The following CALCR variants were observed in gnomAD, a reference collection of about 807,000 sequenced individuals.
CALCR encodes calcitonin receptor.
In CALCR, 47 loss-of-function variants were observed where a neutral mutation model predicts 59.5. That is an observed-to-expected ratio of 0.79 (90% CI 0.63 to 1.01). The LOEUF is 1.01. CALCR is among the 50% of genes least tolerant of loss of function. CALCR has a pLI of 0.00. For synonymous variants in CALCR, 213 were observed against 211.3 expected, an observed-to-expected ratio of 1.01 and a Z score of -0.07; for missense variants, 566 against 597.1, an observed-to-expected ratio of 0.95 and a Z score of 0.54.
At chr7:93,477,530 G>C in intron 5 of CALCR, 28 bp downstream of exon 5, 3 of 1,452,138 alleles carry the variant, frequency 2.1e-6, no homozygotes, top group Non-Finnish European at 2.9e-6. Context: ...TTCATAGCAA[G>C]AACATAAAAT....
chr7:93,428,963 C>T (rs1377627801), intron 13 of CALCR, among the ~76,000 whole-genome samples: 1 of 152,174 alleles, frequency 6.6e-6, no homozygotes, highest in Non-Finnish European at 1.5e-5. Context: ...TCTTTTATTT[C>T]TCACCTGTCC....
At chr7:93,446,187 A>G (rs148166511) in intron 8 of CALCR, among the ~76,000 whole-genome samples, 89 of 152,124 alleles carry the variant, frequency 5.9e-4, no homozygotes, top group African/African-American at 2.1e-3. Context: ...TTGACGCAAG[A>G]TATTGCTTGG....
intron 2 of CALCR, among the ~76,000 whole-genome samples, chr7:93,538,272 G>T (rs559639678): frequency 6.6e-6 from 1 of 151,968 alleles, no homozygotes; most frequent in East Asian, 1.9e-4. Flanking sequence ...ATATCTTTTC[G>T]TGTGTCTGAC....
chr7:93,480,634 C>T (rs1339984889), intron 3 of CALCR, among the ~76,000 whole-genome samples: 2 of 151,792 alleles, frequency 1.3e-5, no homozygotes, highest in African/African-American at 4.8e-5. Flanking sequence ...CACTGTTTTC[C>T]ATGTGTGTCA....
At chr7:93,457,230 T>A (rs1232334998) in intron 8 of CALCR, among the ~76,000 whole-genome samples, 1 of 152,182 alleles carries the variant, frequency 6.6e-6, no homozygotes, top group African/African-American at 2.4e-5. Context: ...AGCAACCTTG[T>A]GAGCAATCAC....
At chr7:93,473,589 C>T (rs12668721) in intron 5 of CALCR, among the ~76,000 whole-genome samples, 54,351 of 120,690 alleles carry the variant, frequency 0.45, 11,347 homozygotes, top group South Asian at 0.53. Context: ...GGCCCCCCCC[C>T]CTTTTTTTTT....
At chr7:93,545,016 A>G (rs1789247765) in intron 2 of CALCR, among the ~76,000 whole-genome samples, 1 of 152,046 alleles carries the variant, frequency 6.6e-6, no homozygotes, top group African/African-American at 2.4e-5. Context: ...GGCAGAAAAC[A>G]TGCTCTATGG....
chr7:93,527,489 C>T (rs1282911614), intron 2 of CALCR, among the ~76,000 whole-genome samples: 3 of 151,954 alleles, frequency 2.0e-5, no homozygotes, highest in Non-Finnish European at 4.4e-5. Flanking sequence ...AAAAATAATT[C>T]TTGAAATTTA....
intron 7 of CALCR, among the ~76,000 whole-genome samples, chr7:93,468,469 T>C (rs902952811): frequency 2.6e-5 from 4 of 151,902 alleles, no homozygotes; most frequent in Middle Eastern, 3.4e-3. Context: ...AGGACTGTCT[T>C]ATTTTGGGAA....
At chr7:93,566,716 T>C (rs568090391) in intron 2 of CALCR, among the ~76,000 whole-genome samples, 1 of 152,270 alleles carries the variant, frequency 6.6e-6, no homozygotes, top group South Asian at 2.1e-4. Context: ...ACCATATGAT[T>C]GTCTCAGGAA....
At chr7:93,428,209 C>T (rs1169315246) in intron 13 of CALCR, among the ~76,000 whole-genome samples, 1 of 152,074 alleles carries the variant, frequency 6.6e-6, no homozygotes, top group Non-Finnish European at 1.5e-5. Context: ...TACTAAGTAC[C>T]GTATCATAAG....
chr7:93,481,752 T>C (rs938971841), intron 3 of CALCR, among the ~76,000 whole-genome samples: 1 of 151,902 alleles, frequency 6.6e-6, no homozygotes, highest in African/African-American at 2.4e-5. Context: ...AACATTTTGT[T>C]GATTTCTAAT....
At chr7:93,522,376 G>T (rs1025364146) in intron 2 of CALCR, among the ~76,000 whole-genome samples, 1 of 152,052 alleles carries the variant, frequency 6.6e-6, no homozygotes, top group Non-Finnish European at 1.5e-5. Context: ...TCTGTGGACA[G>T]GAAGTATGTC....
intron 2 of CALCR, among the ~76,000 whole-genome samples, chr7:93,564,460 TAAAAA>T (rs899378626): frequency 6.8e-6 from 1 of 146,224 alleles, no homozygotes; most frequent in African/African-American, 2.5e-5. Context: ...ACTACACTTT[TAAAAA>T]AAAAAAAATG....
At chr7:93,460,518 T>C (rs1800294231) in intron 8 of CALCR, among the ~76,000 whole-genome samples, 2 of 135,462 alleles carry the variant, frequency 1.5e-5, no homozygotes, top group Middle Eastern at 9.2e-3. Context: ...ATCCCACCAC[T>C]GCACTCCAGC....
At chr7:93,561,070 T>C (rs1001913825) in intron 2 of CALCR, among the ~76,000 whole-genome samples, 1 of 152,168 alleles carries the variant, frequency 6.6e-6, no homozygotes, top group Non-Finnish European at 1.5e-5. Flanking sequence ...AAAAGGAAAC[T>C]GAGGCTAAGA....
chr7:93,504,207 A>G (rs1178433758), intron 2 of CALCR, among the ~76,000 whole-genome samples: 1 of 152,180 alleles, frequency 6.6e-6, no homozygotes, highest in Non-Finnish European at 1.5e-5. Flanking sequence ...TTCCCATTTT[A>G]ATTCTTATTG....
chr7:93,449,614 G>A (rs941264662), intron 8 of CALCR, among the ~76,000 whole-genome samples: 1 of 151,874 alleles, frequency 6.6e-6, no homozygotes, highest in South Asian at 2.1e-4. Context: ...TGTTTATAAC[G>A]TTGTTCGATT....
chr7:93,474,175 T>A (rs956127395), intron 5 of CALCR, among the ~76,000 whole-genome samples: 1 of 151,698 alleles, frequency 6.6e-6, no homozygotes, highest in South Asian at 2.1e-4. Flanking sequence ...AGATTCTGGG[T>A]AAAGTGCATG....
Sources: allele counts gnomAD v4.1 joint callset (sites outside exome capture counted in the v4.1 genomes callset), GRCh38; gene constraint gnomAD v4.1.1; transcripts MANE v1.5; gene names NCBI Gene and HGNC (gene_info 2026-07-23, HGNC 2026-07-21).